Variants in TRIM63 observed in about 807,000 individuals in gnomAD.
The protein encoded by TRIM63 is tripartite motif containing 63.
Under a neutral mutation model 46.0 loss-of-function variants are expected in TRIM63, and 48 were observed. That is an observed-to-expected ratio of 1.04 (90% CI 0.83 to 1.33). The LOEUF is 1.33. Ranked by LOEUF, TRIM63 falls within the 40% of genes most tolerant of loss-of-function variation. The pLI, the probability that TRIM63 is intolerant of heterozygous loss-of-function variation, is 0.00. For synonymous variants in TRIM63, 175 were observed against 162.8 expected (o/e 1.08, Z -0.57); for missense variants, 455 against 441.2 (o/e 1.03, Z -0.28).
intron 7 of TRIM63, among the ~76,000 whole-genome samples, chr1:26,055,036 G>C (rs938917333): frequency 4.6e-5 from 7 of 151,778 alleles, no homozygotes; most frequent in African/African-American, 1.7e-4. Context: ...ACTGATATCA[G>C]AGTATAACCC....
Position 26,067,498 on chromosome 1 carries a change from G to T in TRIM63, c.-4C>A. On this transcript the variant is annotated 5_prime_UTR_variant, in exon 1 of 9. Transcript: ENST00000374272. ...TCAGGCTCGACTTATAATCCATTCT[G>T]TGGGAAGGAATGAGAGCCACGCCTA... 6.2e-7 allele frequency: 1 copy of T among 1,613,880 alleles called. No individual in the cohort carries two copies. The highest frequency in any genetic ancestry group is 8.5e-7 in the Non-Finnish European group (1 of 1,179,992).
At chr1:26,066,170 G>T (rs2050674548) in intron 2 of TRIM63, 98 bp downstream of exon 2, 1 of 1,386,098 alleles carries the variant, frequency 7.2e-7, no homozygotes. Context: ...CTAGAGGCCT[G>T]GATCCTGAGC....
Position 26,067,603 on chromosome 1 carries a change from G to A in TRIM63, c.-109C>T. ...ACAAAACACCGGGTCGGATCCTGTT[G>A]GCTTCCTTCTCCTGGTGCCCGAATT... On this transcript the variant is annotated 5_prime_UTR_variant, in exon 1 of 9. Coordinates refer to ENST00000374272, the MANE Select transcript of TRIM63 (RefSeq NM_032588.4). 7.9e-7 allele frequency: 1 copy of A among 1,260,162 alleles called. No homozygotes were observed. The highest frequency in any genetic ancestry group is 1.5e-5 in the South Asian group (1 of 67,770). The allele number at this position is 1,260,162 out of a possible 1,614,324, so 78.1% of individuals were successfully genotyped here.
chr1:26,064,111 C>T (rs532216655), intron 2 of TRIM63, among the ~76,000 whole-genome samples: 17 of 152,280 alleles, frequency 1.1e-4, no homozygotes, highest in East Asian at 1.9e-4. Context: ...GCCCGGCCAA[C>T]GTGGTGAAAC....
Position 26,061,317 on chromosome 1 carries a change from C to T in TRIM63, c.350G>A (p.Gly117Asp), listed in dbSNP as rs771401489. The T allele has an allele frequency of 1.4e-5, 22 of 1,614,074 alleles. No individual in the cohort carries two copies. The highest frequency in any genetic ancestry group is 1.5e-5 in the Non-Finnish European group (18 of 1,179,952). ...GTGCTCCTTGCACATGGGGTGACTG[C>T]CCTTCTGCAGCGGCCGACTGCAGTG... ...QECSSRPLQK[G>D]SHPMCKEHED... is the part of the protein sequence containing the mutation. The change falls in exon 3 of 9, where the codon GGC (glycine) becomes GAC (aspartate). Residue 117 changes from glycine (G) to aspartate (D), a missense_variant. Transcript: ENST00000374272.
Position 26,061,203 on chromosome 1 carries a change from T to A in TRIM63, c.464A>T (p.Glu155Val). ...GAAGACACTCTGCAATGGGGCCACC[T>A]CGCAGGCCTTGTGGATCCCAAACAC... The part of the protein sequence containing the change: ...CKVFGIHKAC[E>V]VAPLQSVFQG... Residue 155 changes from glutamate to valine, a missense_variant, in exon 3 of 9, where the codon GAG becomes GTG. Physicochemically the swap from Glu to Val is moderately radical, Grantham distance 121. Transcript: ENST00000374272. 6.2e-7 allele frequency: 1 copy of A among 1,614,174 alleles called. No individual in the cohort carries two copies. Among genetic ancestry groups the A allele is most frequent in the Middle Eastern group, 1.7e-4 (1 of 6,056 alleles).
At chr1:26,055,991 G>C (rs1243648055) in intron 7 of TRIM63, among the ~76,000 whole-genome samples, 1 of 152,160 alleles carries the variant, frequency 6.6e-6, no homozygotes, top group Non-Finnish European at 1.5e-5. Context: ...GTTTGTAGGA[G>C]AGCGACACAG....
chr1:26,060,101 TGA>T (rs1256695127), intron 4 of TRIM63, among the ~76,000 whole-genome samples, 163 bp downstream of exon 4: 1 of 152,134 alleles, frequency 6.6e-6, no homozygotes, highest in Non-Finnish European at 1.5e-5. Context: ...AAGCATTTGT[TGA>T]GAGACTGGAT....
Position 26,057,610 on chromosome 1 carries a change from C to T in TRIM63, c.854+18G>A. On this transcript the variant is annotated intron_variant, in intron 6 of 8. Coordinates refer to ENST00000374272, the MANE Select transcript of TRIM63 (RefSeq NM_032588.4). Reference sequence around the variant, plus strand: ...GGGAACTAGGTGCTTGGATCATAGCCTCTAGGAAGACACTGACCTTTTGAT... The same window carrying T: ...GGGAACTAGGTGCTTGGATCATAGCTTCTAGGAAGACACTGACCTTTTGAT... The T allele has an allele frequency of 6.2e-7, 1 of 1,609,472 alleles. No individual in the cohort carries two copies. The highest frequency in any genetic ancestry group is 8.5e-7 in the Non-Finnish European group (1 of 1,177,902).
At chr1:26,066,191 G>C (rs763866543) in intron 2 of TRIM63, 77 bp downstream of exon 2, 9 of 1,515,998 alleles carry the variant, frequency 5.9e-6, no homozygotes, top group Non-Finnish European at 7.3e-6. Flanking sequence ...AGATGAAGGA[G>C]GGGGAAGGAG....
chr1:26,057,701 A>G, intron 5 of TRIM63, 51 bp from the exon 6 acceptor site: 2 of 1,567,708 alleles, frequency 1.3e-6, no homozygotes, highest in Non-Finnish European at 1.7e-6. Flanking sequence ...AGGTAACCGC[A>G]GGAAATCAGC....
chr1:26,059,023 C>CT (rs986591996), intron 4 of TRIM63, among the ~76,000 whole-genome samples: 74,422 of 116,744 alleles, frequency 0.64, 24,916 homozygotes, highest in East Asian at 0.72. Flanking sequence ...CTCTGTTGCC[C>CT]TTTTTTTTTT....
chr1:26,057,650 T>C lies in TRIM63; in HGVS notation c.832A>G (p.Thr278Ala). ...GACCTTTTGATGAGTTGCTTGGCAG[T>C]CTGCAGGGGGAGAGAGAACAAAGGA... ...DEPGGATFLL[T>A]AKQLIKSIVE... Residue 278 changes from threonine to alanine, a missense_variant and splice_region_variant, in exon 6 of 9, where the codon ACT becomes GCT. Physicochemically the swap from Thr to Ala is moderately conservative, Grantham distance 58. Coordinates refer to ENST00000374272, the MANE Select transcript of TRIM63 (RefSeq NM_032588.4). 1 of 1,609,254 alleles carries C rather than the reference T, an allele frequency of 6.2e-7. No homozygotes were observed. The highest frequency in any genetic ancestry group is 1.1e-5 in the South Asian group (1 of 89,934).
chr1:26,055,097 T>C (rs1438663663), intron 7 of TRIM63, among the ~76,000 whole-genome samples: 7 of 152,200 alleles, frequency 4.6e-5, no homozygotes, highest in Non-Finnish European at 7.3e-5. Context: ...TTAATAGCAG[T>C]TGCTGAGTAC....
At chr1:26,066,169 TG>T in intron 2 of TRIM63, 98 bp downstream of exon 2, 1 of 1,386,322 alleles carries the variant, frequency 7.2e-7, no homozygotes, top group Non-Finnish European at 1.0e-6. Context: ...GCTAGAGGCC[TG>T]GATCCTGAGC....
At chr1:26,056,384 T>C (rs1297211899) in intron 7 of TRIM63, among the ~76,000 whole-genome samples, 1 of 152,190 alleles carries the variant, frequency 6.6e-6, no homozygotes, top group Non-Finnish European at 1.5e-5. Flanking sequence ...GTGATAGCAT[T>C]AAGAAACTGA....
chr1:26,066,333 C>T lies in TRIM63; in HGVS notation c.267G>A (p.Val89=). 1 of 1,614,120 alleles carries T rather than the reference C, an allele frequency of 6.2e-7. No individual in the cohort carries two copies. Among genetic ancestry groups the T allele is most frequent in the African/African-American group, 1.3e-5 (1 of 75,034 alleles). ...CCAGCAGGTTCCTCTGCAGGCCGTA[C>T]ACTCCGTGACGATCCATGATCACCT... ...RHEVIMDRHG[V]YGLQRNLLVE... The change falls in exon 2 of 9, where the codon GTG becomes GTA. Residue 89 remains valine (V), a synonymous_variant. Coordinates refer to ENST00000374272, the MANE Select transcript of TRIM63 (RefSeq NM_032588.4).
At chr1:26,058,865 C>T (rs2050596933) in intron 4 of TRIM63, among the ~76,000 whole-genome samples, 1 of 152,138 alleles carries the variant, frequency 6.6e-6, no homozygotes, top group Non-Finnish European at 1.5e-5. Flanking sequence ...GCCCCTTCTT[C>T]CAAAATAGAG....
intron 7 of TRIM63, among the ~76,000 whole-genome samples, chr1:26,056,832 G>C (rs540830867): frequency 4.0e-5 from 6 of 150,248 alleles, no homozygotes; most frequent in African/African-American, 1.5e-4. Context: ...GCACAATCTC[G>C]GCTCACTGCA....
Sources: allele counts gnomAD v4.1 joint callset (sites outside exome capture counted in the v4.1 genomes callset), GRCh38; gene constraint gnomAD v4.1.1; transcripts MANE v1.5; gene names NCBI Gene and HGNC (gene_info 2026-07-23, HGNC 2026-07-21).